The following USP22 variants were observed in gnomAD, a reference collection of about 807,000 sequenced individuals.
The protein encoded by USP22 is ubiquitin carboxyl-terminal hydrolase 22.
Under a neutral mutation model 68.1 loss-of-function variants are expected in USP22, and 22 were observed. The ratio of observed to expected loss-of-function variants is 0.32; its 90% CI spans 0.23 to 0.46. The LOEUF is 0.46. USP22 is among the 20% of genes least tolerant of loss of function. The probability of loss-of-function intolerance (pLI) is 1.00; values close to 1 mark genes in which losing one functional copy is unlikely to be tolerated. For missense variants in USP22, 433 were observed against 695.8 expected (o/e 0.62, Z 4.25); for synonymous variants, 279 against 274.2 (o/e 1.02, Z -0.17).
At chr17:21,004,544 C>T (rs747259772) in intron 11 of USP22, among the ~76,000 whole-genome samples, 193 bp from the exon 12 acceptor site, 25 of 152,172 alleles carry the variant, frequency 1.6e-4, no homozygotes, top group Non-Finnish European at 2.4e-4. Flanking sequence ...GGCTCTAGCC[C>T]GGGTCCAGGC....
At position 21,016,448 on chromosome 17, in the gene USP22, AGAG is replaced by A. The variant is rs558255518; in HGVS notation, c.691-552_691-550del. On this transcript the variant is annotated intron_variant, in intron 5 of 12. Coordinates refer to ENST00000261497, the MANE Select transcript of USP22 (RefSeq NM_015276.2). ...GCTTCCTCCCCAGGTCAGAACCCACAGAGGGGTCTTGCCTGTGCAAATACAGAA... is the reference window on the plus strand; with the variant it reads ...GCTTCCTCCCCAGGTCAGAACCCACAGGGTCTTGCCTGTGCAAATACAGAA... 3.3e-5 allele frequency among the ~76,000 whole-genome samples: 5 copies of A among 152,360 alleles called. No individual in the cohort carries two copies. The South Asian group carries it at 1.0e-3, about 32-fold the overall frequency.
At chr17:21,018,973 G>A in intron 4 of USP22, 111 bp downstream of exon 4, 2 of 1,122,234 alleles carry the variant, frequency 1.8e-6, no homozygotes, top group Non-Finnish European at 2.6e-6. Flanking sequence ...ATGAGTGACA[G>A]TTATGCAGGG....
intron 11 of USP22, 105 bp from the exon 12 acceptor site, chr17:21,004,456 G>T: frequency 7.0e-7 from 1 of 1,428,796 alleles, no homozygotes; most frequent in Non-Finnish European, 9.6e-7. Flanking sequence ...CGGGAGGCCT[G>T]TGGGCCTGTC....
At chr17:21,004,113 CT>C (rs1913694711) in intron 12 of USP22, 88 bp downstream of exon 12, 3 of 1,536,984 alleles carry the variant, frequency 2.0e-6, no homozygotes, top group Non-Finnish European at 2.7e-6. Context: ...TCGAGTGGTT[CT>C]AGGCTCAGAC....
intron 6 of USP22, among the ~76,000 whole-genome samples, chr17:21,015,244 G>A (rs1418769152): frequency 6.6e-6 from 1 of 152,224 alleles, no homozygotes; most frequent in African/African-American, 2.4e-5. Context: ...CTATGTTGGG[G>A]GAGATGGCCC....
rs1913545099 is a variant in USP22, at chr17:21,000,836, G to C, written c.*2195C>G. ...CCAGCACTTTGGGACGCTGAGGTGGGTGGATCGCCTGAGGTCAGGAGTTTG... is the reference window on the plus strand; with the variant it reads ...CCAGCACTTTGGGACGCTGAGGTGGCTGGATCGCCTGAGGTCAGGAGTTTG... On this transcript the variant is annotated 3_prime_UTR_variant, in exon 13 of 13. Coordinates refer to ENST00000261497, the MANE Select transcript of USP22 (RefSeq NM_015276.2). 2 of 152,370 alleles carry C rather than the reference G, an allele frequency of 1.3e-5. No individual in the cohort carries two copies. Among genetic ancestry groups the C allele is most frequent in the African/African-American group, 4.8e-5 (2 of 41,574 alleles). 9.4% of individuals were successfully genotyped at this position (152,370 alleles called of 1,614,324 possible).
At chr17:21,007,041 C>T in intron 9 of USP22, 54 bp from the exon 10 acceptor site, 2 of 1,496,214 alleles carry the variant, frequency 1.3e-6, no homozygotes, top group Middle Eastern at 1.7e-4. Flanking sequence ...AGAAATGTCA[C>T]TGGAAGCTTC....
intron 1 of USP22, among the ~76,000 whole-genome samples, chr17:21,039,782 CTTTG>C (rs1401442820): frequency 5.9e-5 from 9 of 152,110 alleles, no homozygotes; most frequent in Admixed American, 5.2e-4. Context: ...CAAAAAGTAC[CTTTG>C]TTTGTTTACA....
At chr17:21,030,179 C>T (rs1367164322) in intron 1 of USP22, among the ~76,000 whole-genome samples, 1 of 152,200 alleles carries the variant, frequency 6.6e-6, no homozygotes. Context: ...TTTCAATCAT[C>T]TCTAGATTAC....
chr17:21,028,285 CT>C (rs1972246912), intron 2 of USP22, among the ~76,000 whole-genome samples: 5 of 152,168 alleles, frequency 3.3e-5, no homozygotes, highest in Admixed American at 1.3e-4. Context: ...GACAGTGCAA[CT>C]TTTCACAGGA....
Position 21,034,557 on chromosome 17 carries a change from T to C in USP22, c.172-5883A>G, listed in dbSNP as rs146875145. Among the ~76,000 whole-genome samples the C allele has an allele frequency of 4.4e-3, 667 of 152,246 alleles. 7 individuals carry two copies. Among genetic ancestry groups the C allele is most frequent in the African/African-American group, 0.015 (631 of 41,540 alleles). On this transcript the variant is annotated intron_variant, in intron 1 of 12. Transcript: ENST00000261497. ...AAACTGCCCGCCGTTCTGAGAAACA[T>C]GATGAAACTGAGTGACATCCCGCTC...
At chr17:21,027,330 C>T (rs1363384561) in intron 2 of USP22, among the ~76,000 whole-genome samples, 4 of 129,124 alleles carry the variant, frequency 3.1e-5, no homozygotes, top group Non-Finnish European at 5.3e-5. Flanking sequence ...CTATCTGTGT[C>T]GTCAGCCTCA....
chr17:21,031,333 G>GA (rs1972288512), intron 1 of USP22, among the ~76,000 whole-genome samples: 1 of 152,214 alleles, frequency 6.6e-6, no homozygotes, highest in African/African-American at 2.4e-5. Flanking sequence ...ACACAGCAAT[G>GA]AAAAGGAACT....
rs369609292 is a variant in USP22 at position 21,015,611 on chromosome 17, TGAC to T, written c.838+138_838+140del. ...TAGTTATGGTGACTTCAGAAACAAA[TGAC>T]GACAAGGGCTATGATGACAAAACAA... On this transcript the variant is annotated intron_variant, in intron 6 of 12. Transcript: ENST00000261497. 2.7e-4 allele frequency: 335 copies of T among 1,235,342 alleles called. 3 individuals carry two copies. The highest frequency in any genetic ancestry group is 2.5e-3 in the African/African-American group (163 of 64,696). The allele number at this position is 1,235,342 out of a possible 1,614,324, so 76.5% of individuals were successfully genotyped here.
intron 3 of USP22, 123 bp from the exon 4 acceptor site, chr17:21,019,308 G>T: frequency 1.1e-6 from 1 of 885,314 alleles, no homozygotes; most frequent in African/African-American, 1.6e-5. Context: ...AACATCCACA[G>T]CACCAGGGCT....
chr17:21,005,106 G>A, intron 10 of USP22, 116 bp from the exon 11 acceptor site: 2 of 1,141,700 alleles, frequency 1.8e-6, no homozygotes, highest in Non-Finnish European at 1.3e-6. Flanking sequence ...GCACCGAGGT[G>A]CACTTTATGC....
At chr17:21,030,096 C>T (rs996985736) in intron 1 of USP22, among the ~76,000 whole-genome samples, 11 of 152,088 alleles carry the variant, frequency 7.2e-5, no homozygotes, top group African/African-American at 2.7e-4. Context: ...CCTCAGGTAC[C>T]AAACTCCATG....
At chr17:21,029,393 T>C (rs2143616493) in intron 1 of USP22, among the ~76,000 whole-genome samples, 1 of 152,346 alleles carries the variant, frequency 6.6e-6, no homozygotes, top group East Asian at 1.9e-4. Flanking sequence ...TTGATAAACA[T>C]ATACACCTAC....
At chr17:21,014,382 A>C (rs1914067080) in intron 6 of USP22, among the ~76,000 whole-genome samples, 1 of 152,236 alleles carries the variant, frequency 6.6e-6, no homozygotes, top group Non-Finnish European at 1.5e-5. Context: ...TGCTTGGGGT[A>C]ACAGCATAGT....
Sources: allele counts gnomAD v4.1 joint callset (sites outside exome capture counted in the v4.1 genomes callset), GRCh38; gene constraint gnomAD v4.1.1; transcripts MANE v1.5; gene names NCBI Gene and HGNC (gene_info 2026-07-23, HGNC 2026-07-21).